Variants in RYR3 observed in about 807,000 individuals in gnomAD.
The protein encoded by RYR3 is ryanodine receptor 3.
A neutral mutation model predicts 584.3 loss-of-function variants in RYR3; 207 were observed. The observed-to-expected ratio is 0.35, with a 90% CI of 0.32 to 0.40. The LOEUF is 0.40. Ranked by LOEUF, RYR3 falls within the 10% of genes least tolerant of loss-of-function variation. The pLI, the probability that RYR3 is intolerant of heterozygous loss-of-function variation, is 1.00. For missense variants in RYR3, 5,616 were observed against 6,089.2 expected, an observed-to-expected ratio of 0.92 and a Z score of 2.59; for synonymous variants, 2,416 against 2,248.5, an observed-to-expected ratio of 1.07 and a Z score of -2.11.
At chr15:33,771,809 T>C (rs752738849) in intron 62 of RYR3, 111 bp from the exon 63 acceptor site, 8 of 709,136 alleles carry the variant, frequency 1.1e-5, no homozygotes, top group Middle Eastern at 2.5e-4. Context: ...CACAGTGTCA[T>C]TGAGTGACAG....
In RYR3 at chr15:33,749,994, G is replaced by A. The variant is rs533878383; in HGVS notation, c.8215G>A (p.Val2739Met). Residue 2739 changes from valine (V) to methionine (M), a missense_variant, in exon 56 of 104, where the codon GTG becomes ATG. Physicochemically the swap from Val to Met is conservative, Grantham distance 21 (BLOSUM62 1). This residue lies in a region of RYR3 where 1,280 missense variants were observed against 1,426.2 expected (regional missense o/e 0.90). Transcript: ENST00000634891. ...SRELQGMVEV[V>M]AENYHNIWAK... ...TGGGACACAGGGAATGGTGGAGGTC[G>A]TGGCTGAGAACTATCACAATATCTG... The A allele has an allele frequency of 5.2e-5, 84 of 1,612,138 alleles. 1 individual carries two copies. The highest frequency in any genetic ancestry group is 4.1e-4 in the South Asian group (37 of 90,406).
Position 33,728,229 on chromosome 15 carries a change from C to G in RYR3, c.7034-628C>G, listed in dbSNP as rs186650208. Reference sequence around the variant, plus strand: ...TCTCACCATGGCCAATTTCAAGCCACCAATGTAATGTCACTGAACACAGAG... The same window carrying G: ...TCTCACCATGGCCAATTTCAAGCCAGCAATGTAATGTCACTGAACACAGAG... On this transcript the variant is annotated intron_variant, in intron 46 of 103. Coordinates refer to ENST00000634891, the MANE Select transcript of RYR3 (RefSeq NM_001036.6). Among the ~76,000 whole-genome samples the G allele has an allele frequency of 3.7e-4, 56 of 152,274 alleles. 1 individual carries two copies. Among genetic ancestry groups the G allele is most frequent in the Admixed American group, 3.4e-3 (52 of 15,294 alleles).
chr15:33,611,049 G>T (rs1333581295), intron 18 of RYR3, among the ~76,000 whole-genome samples: 1 of 152,014 alleles, frequency 6.6e-6, no homozygotes, highest in African/African-American at 2.4e-5. Context: ...TCTAAACTGG[G>T]ATTATAAATA....
rs774237355 is a variant in RYR3 at position 33,724,195 on chromosome 15, A to G, written c.6912+19A>G. On this transcript the variant is annotated intron_variant, in intron 45 of 103. Transcript: ENST00000634891. ...AATGCACGTAAGTGATACAGCTTCC[A>G]GAGAACAGCTTTGAGAAACCTATGC... The G allele has an allele frequency of 1.4e-6, 2 of 1,388,288 alleles. No homozygotes were observed. The highest frequency in any genetic ancestry group is 4.6e-5 in the East Asian group (2 of 43,628). The allele number at this position is 1,388,288 out of a possible 1,614,324, so 86.0% of individuals were successfully genotyped here. A position where few individuals can be genotyped will look rare whatever the true frequency, so the allele number is the denominator to read the frequency against.
At chr15:33,721,011 C>T (rs73379342) in intron 43 of RYR3, among the ~76,000 whole-genome samples, 17,477 of 152,218 alleles carry the variant, frequency 0.11, 2,383 homozygotes, top group African/African-American at 0.33. Flanking sequence ...AAATACAGAG[C>T]CTAATTCTCC....
At chr15:33,815,585 T>C (rs1050527580) in intron 74 of RYR3, among the ~76,000 whole-genome samples, 1 of 152,242 alleles carries the variant, frequency 6.6e-6, no homozygotes, top group Admixed American at 6.5e-5. Flanking sequence ...ATGTCCTTCA[T>C]GAAGCATGAC....
chr15:33,632,456 T>G (rs909244009), intron 23 of RYR3, among the ~76,000 whole-genome samples: 7 of 152,252 alleles, frequency 4.6e-5, no homozygotes, highest in Admixed American at 4.6e-4. Context: ...AGTTCAAAAA[T>G]ACTCTGACAT....
intron 64 of RYR3, among the ~76,000 whole-genome samples, chr15:33,774,687 C>T (rs554799715): frequency 7.2e-5 from 11 of 152,120 alleles, no homozygotes; most frequent in South Asian, 2.1e-4. Flanking sequence ...CTAATGGCTG[C>T]GTTTGTTTTT....
At chr15:33,750,696 C>T (rs2071199418) in intron 57 of RYR3, among the ~76,000 whole-genome samples, 1 of 152,132 alleles carries the variant, frequency 6.6e-6, no homozygotes, top group African/African-American at 2.4e-5. Flanking sequence ...ATTTGCAGCA[C>T]ATGATAACAG....
chr15:33,763,818 A>G lies in RYR3; in HGVS notation c.8706-4840A>G, dbSNP rs372302057. ...TGAAGCAGGACAATCGCTTGAATCC[A>G]GGAGGTGGAGGTTGCAGTGAGCCAT... On this transcript the variant is annotated intron_variant, in intron 60 of 103. Coordinates refer to ENST00000634891, the MANE Select transcript of RYR3 (RefSeq NM_001036.6). Among the ~76,000 whole-genome samples the G allele has an allele frequency of 1.2e-4, 17 of 143,940 alleles. No individual in the cohort carries two copies. In the East Asian group the frequency reaches 3.4e-3, roughly 29 times the overall value. 94.4% of individuals were successfully genotyped at this position (143,940 alleles called of 152,430 possible).
chr15:33,708,941 G>C (rs12913815), intron 43 of RYR3, among the ~76,000 whole-genome samples: 3 of 152,064 alleles, frequency 2.0e-5, no homozygotes, highest in Non-Finnish European at 4.4e-5. Context: ...TGAGTGCTTC[G>C]GCGGGAGTCA....
chr15:33,804,353 C>G (rs1436117540), intron 69 of RYR3, among the ~76,000 whole-genome samples: 1 of 152,144 alleles, frequency 6.6e-6, no homozygotes, highest in Non-Finnish European at 1.5e-5. Context: ...TGTTCTGTTG[C>G]CTGAGTTAAG....
intron 3 of RYR3, among the ~76,000 whole-genome samples, chr15:33,524,365 A>G (rs2140993565): frequency 6.6e-6 from 1 of 152,324 alleles, no homozygotes; most frequent in South Asian, 2.1e-4. Flanking sequence ...GCCTTCTTTA[A>G]TAGGTAAAGC....
At chr15:33,338,968 A>C (rs1048151143) in intron 1 of RYR3, among the ~76,000 whole-genome samples, 1 of 152,248 alleles carries the variant, frequency 6.6e-6, no homozygotes, top group African/African-American at 2.4e-5. Context: ...ACAAAACTGC[A>C]CATTAAGGAT....
intron 81 of RYR3, among the ~76,000 whole-genome samples, chr15:33,824,716 C>T (rs2077284117): frequency 6.6e-6 from 1 of 152,218 alleles, no homozygotes; most frequent in African/African-American, 2.4e-5. Flanking sequence ...CCAGATTTTT[C>T]TCCATGCCTT....
rs531687762 is a variant in RYR3, at chr15:33,415,324, A to G, written c.52-58095A>G. The stretch of plus-strand genomic sequence containing the variant: ...TGTATTTCTATAGGACAGCACAGGC[A>G]TGGATATTCATGTGTGTATACAGCT... On this transcript the variant is annotated intron_variant, in intron 1 of 103. Coordinates refer to ENST00000634891, the MANE Select transcript of RYR3 (RefSeq NM_001036.6). 8.9e-4 allele frequency among the ~76,000 whole-genome samples: 136 copies of G among 152,296 alleles called. 1 individual carries two copies. Among genetic ancestry groups the G allele is most frequent in the African/African-American group, 3.2e-3 (132 of 41,554 alleles).
At chr15:33,430,262 C>T (rs79506235) in intron 1 of RYR3, among the ~76,000 whole-genome samples, 57 of 152,274 alleles carry the variant, frequency 3.7e-4, no homozygotes, top group African/African-American at 1.1e-3. Context: ...GCTTAGGATC[C>T]GAACTCCCTG....
In RYR3 at chr15:33,768,714, G is replaced by A. The variant is rs1221976018; in HGVS notation, c.8755+7G>A. 1 of 1,613,646 alleles carries A rather than the reference G, an allele frequency of 6.2e-7. No individual in the cohort carries two copies. The highest frequency in any genetic ancestry group is 1.7e-5 in the Admixed American group (1 of 60,032). On this transcript the variant is annotated splice_region_variant and intron_variant, in intron 61 of 103. Coordinates refer to ENST00000634891, the MANE Select transcript of RYR3 (RefSeq NM_001036.6). ...CACAGAATTTCCCTCTTTGGTAAGT[G>A]AAGTGTTGCTCAAGGTACCGCTCCT...
At chr15:33,547,486 A>T (rs2056334438) in intron 8 of RYR3, among the ~76,000 whole-genome samples, 1 of 152,224 alleles carries the variant, frequency 6.6e-6, no homozygotes, top group Non-Finnish European at 1.5e-5. Flanking sequence ...GGAGAAGCTG[A>T]GTGAGATCAT....
Sources: allele counts gnomAD v4.1 joint callset (sites outside exome capture counted in the v4.1 genomes callset), GRCh38; gene constraint gnomAD v4.1.1; regional missense constraint gnomAD v4.1.1; transcripts MANE v1.5; gene names NCBI Gene and HGNC (gene_info 2026-07-23, HGNC 2026-07-21).